Variants in STPG1 observed in about 807,000 individuals in gnomAD.
STPG1 encodes the protein O(6)-methylguanine-induced apoptosis 2.
A neutral mutation model predicts 40.1 loss-of-function variants in STPG1; 33 were observed. That is an observed-to-expected ratio of 0.82 (90% CI 0.62 to 1.10). The LOEUF is 1.10. STPG1 is among the 50% of genes least tolerant of loss of function. STPG1 has a pLI of 0.00. For missense variants in STPG1, 396 were observed against 415.1 expected (o/e 0.95, Z 0.40); for synonymous variants, 150 against 155.0 (o/e 0.97, Z 0.24).
rs1449722987 is a variant in STPG1, at chr1:24,402,583, G to C, written c.-68-1127C>G. On this transcript the variant is annotated intron_variant, in intron 1 of 8. Coordinates refer to ENST00000337248, the MANE Select transcript of STPG1 (RefSeq NM_001199013.2). ...TTGAGACTAGCCTAAGCAACATAGT[G>C]AGACCCCATCTCTACGAAAAATAAA... 1.3e-5 allele frequency among the ~76,000 whole-genome samples: 2 copies of C among 151,764 alleles called. 1 individual carries two copies. The highest frequency in any genetic ancestry group is 2.9e-5 in the Non-Finnish European group (2 of 67,948).
At chr1:24,364,232 A>T (rs1557431462) in intron 7 of STPG1, 3 of 1,543,932 alleles carry the variant, frequency 1.9e-6, no homozygotes, top group Non-Finnish European at 2.6e-6. Context: ...CCCCCACCTG[A>T]CTGTCTTGAA....
At chr1:24,373,838 C>T in intron 5 of STPG1, 28 bp from the exon 6 acceptor site, 1 of 1,468,824 alleles carries the variant, frequency 6.8e-7, no homozygotes, top group South Asian at 1.2e-5. Context: ...ACCCAATGTA[C>T]TCAGTACCTT....
At chr1:24,379,477 T>A in intron 5 of STPG1, 176 bp downstream of exon 5, 1 of 644,708 alleles carries the variant, frequency 1.6e-6, no homozygotes, top group South Asian at 1.9e-5. Flanking sequence ...ATCTCTGGGG[T>A]CTGCAAATTC....
intron 7 of STPG1, 137 bp downstream of exon 7, chr1:24,369,537 T>C (rs1209658226): frequency 2.3e-6 from 2 of 870,072 alleles, no homozygotes; most frequent in Admixed American, 2.2e-5. Flanking sequence ...AGCATCATTA[T>C]GTGTGACTAA....
At chr1:24,381,644 C>T (rs964998492) in intron 4 of STPG1, among the ~76,000 whole-genome samples, 1 of 152,216 alleles carries the variant, frequency 6.6e-6, no homozygotes, top group Non-Finnish European at 1.5e-5. Context: ...TGACAGGTCT[C>T]TCAAAAGGTT....
chr1:24,365,382 C>T (rs1359214249), intron 7 of STPG1, among the ~76,000 whole-genome samples: 2 of 152,186 alleles, frequency 1.3e-5, no homozygotes, highest in East Asian at 3.9e-4. Context: ...TTTTGATCTC[C>T]AAAACTCTCA....
In STPG1 at chr1:24,357,880, C is replaced by G. The variant is rs185519687; in HGVS notation, c.*663G>C. 5.3e-4 allele frequency: 165 copies of G among 308,650 alleles called. No homozygotes were observed. The highest frequency in any genetic ancestry group is 7.0e-5 in the Non-Finnish European group (11 of 156,734). The allele number at this position is 308,650 out of a possible 1,614,324, so 19.1% of individuals were successfully genotyped here. A position where few individuals can be genotyped will look rare whatever the true frequency, so the allele number is the denominator to read the frequency against. On this transcript the variant is annotated 3_prime_UTR_variant, in exon 9 of 9. Transcript: ENST00000337248. ...CAGAGAAAGTCAGGGAAAAGCGCAGCCCCCGGGCCCGGCCACTGCCATTCC... is the reference window on the plus strand; with the variant it reads ...CAGAGAAAGTCAGGGAAAAGCGCAGGCCCCGGGCCCGGCCACTGCCATTCC...
At chr1:24,387,021 C>T (rs539135242) in intron 3 of STPG1, among the ~76,000 whole-genome samples, 38 of 152,324 alleles carry the variant, frequency 2.5e-4, no homozygotes, top group African/African-American at 7.7e-4. Context: ...CCATCACCAT[C>T]ACCACGCACG....
chr1:24,388,945 C>G (rs11587667), intron 3 of STPG1, among the ~76,000 whole-genome samples: 55,331 of 152,068 alleles, frequency 0.36, 10,218 homozygotes, highest in East Asian at 0.47. Context: ...TAAAGGCACA[C>G]AGCCAGTGAC....
At chr1:24,367,462 T>C (rs1243905760) in intron 7 of STPG1, among the ~76,000 whole-genome samples, 1 of 152,220 alleles carries the variant, frequency 6.6e-6, no homozygotes, top group East Asian at 1.9e-4. Flanking sequence ...TTGTATAATA[T>C]AGCCTAGTAG....
At chr1:24,388,782 A>G (rs1264587169) in intron 3 of STPG1, among the ~76,000 whole-genome samples, 1 of 152,224 alleles carries the variant, frequency 6.6e-6, no homozygotes, top group Non-Finnish European at 1.5e-5. Flanking sequence ...TTAACTTCTC[A>G]ATGGCCATTT....
chr1:24,404,615 T>C (rs1192178162), intron 1 of STPG1, among the ~76,000 whole-genome samples: 8 of 152,196 alleles, frequency 5.3e-5, no homozygotes, highest in Non-Finnish European at 1.5e-5. Context: ...GCTCTTCAGA[T>C]TATCTATTTC....
chr1:24,369,954 G>T, intron 6 of STPG1, 115 bp from the exon 7 acceptor site: 1 of 875,266 alleles, frequency 1.1e-6, no homozygotes, highest in Non-Finnish European at 1.7e-6. Context: ...ACTCTAGGAT[G>T]GCCAAGTGGA....
At chr1:24,364,510 C>T (rs1569978683) in intron 7 of STPG1, 2 of 1,346,392 alleles carry the variant, frequency 1.5e-6, no homozygotes, top group South Asian at 3.8e-5. Context: ...CTTTTACTTG[C>T]CTAGCTCTTT....
At chr1:24,373,336 G>A (rs1273280752) in intron 6 of STPG1, among the ~76,000 whole-genome samples, 1 of 152,192 alleles carries the variant, frequency 6.6e-6, no homozygotes, top group African/African-American at 2.4e-5. Context: ...AGGATGTATG[G>A]TCATGCCCTG....
At chr1:24,409,542 T>C (rs748396123) in intron 1 of STPG1, among the ~76,000 whole-genome samples, 5 of 152,258 alleles carry the variant, frequency 3.3e-5, no homozygotes, top group Non-Finnish European at 5.9e-5. Context: ...CCCTTGTCTG[T>C]AGCTTTATTT....
chr1:24,367,442 A>G (rs1321784631), intron 7 of STPG1, among the ~76,000 whole-genome samples: 1 of 152,236 alleles, frequency 6.6e-6, no homozygotes, highest in Non-Finnish European at 1.5e-5. Context: ...CATGCCAAAT[A>G]ACAGCTGTAT....
Position 24,401,476 on chromosome 1 carries a change from C to G in STPG1, c.-68-20G>C. The G allele has an allele frequency of 9.3e-7, 1 of 1,074,258 alleles. No homozygotes were observed. The highest frequency in any genetic ancestry group is 1.4e-6 in the Non-Finnish European group (1 of 701,000). The allele number at this position is 1,074,258 out of a possible 1,614,324, so 66.5% of individuals were successfully genotyped here. On this transcript the variant is annotated intron_variant, in intron 1 of 8. Transcript: ENST00000337248. ...AAGCACCTGAAACAGCAAAACACAG[C>G]ATTTGTAGAGATCATTTCACATTGG...
chr1:24,407,251 T>C (rs1041432048), intron 1 of STPG1, among the ~76,000 whole-genome samples: 1 of 152,228 alleles, frequency 6.6e-6, no homozygotes. Flanking sequence ...TCACCAAATT[T>C]GGAAAATATT....
Sources: allele counts gnomAD v4.1 joint callset (sites outside exome capture counted in the v4.1 genomes callset), GRCh38; gene constraint gnomAD v4.1.1; transcripts MANE v1.5; gene names NCBI Gene and HGNC (gene_info 2026-07-23, HGNC 2026-07-21).